The following ERICH6B variants were observed in gnomAD, a reference collection of about 807,000 sequenced individuals.
The protein encoded by ERICH6B is glutamate-rich protein 6B.
ERICH6B carries 69 observed loss-of-function variants against 80.0 expected under a neutral mutation model. That is an observed-to-expected ratio of 0.86 (90% CI 0.71 to 1.05). The LOEUF (loss-of-function observed/expected upper bound fraction) is 1.05, where lower values mean the gene tolerates loss of function less well. ERICH6B is among the 50% of genes least tolerant of loss of function. The pLI, the probability that ERICH6B is intolerant of heterozygous loss-of-function variation, is 0.00. For synonymous variants in ERICH6B, 283 were observed against 291.9 expected, an observed-to-expected ratio of 0.97 and a Z score of 0.31; for missense variants, 754 against 796.1, an observed-to-expected ratio of 0.95 and a Z score of 0.64.
At chr13:45,615,539 G>T (rs1469616322) in intron 1 of ERICH6B, 146 bp downstream of exon 1, 1 of 152,298 alleles carries the variant, frequency 6.6e-6, no homozygotes, top group African/African-American at 2.4e-5. Context: ...TATGTACTTG[G>T]CGCTTCTTTG....
At chr13:45,570,498 A>C (rs1192042014) in intron 8 of ERICH6B, among the ~76,000 whole-genome samples, 1 of 152,188 alleles carries the variant, frequency 6.6e-6, no homozygotes, top group Admixed American at 6.5e-5. Context: ...TTGTCAGAAT[A>C]ACTGAACTAT....
chr13:45,567,886 C>T (rs747059024), intron 9 of ERICH6B, among the ~76,000 whole-genome samples: 4 of 152,220 alleles, frequency 2.6e-5, no homozygotes, highest in East Asian at 1.9e-4. Flanking sequence ...GCTCACCTAG[C>T]GTGAAGCCAG....
At chr13:45,580,083 AAGCCTCAG>A in intron 6 of ERICH6B, 109 bp from the exon 7 acceptor site, 1 of 972,330 alleles carries the variant, frequency 1.0e-6, no homozygotes, top group Non-Finnish European at 1.6e-6. Flanking sequence ...GATATCTGGG[AAGCCTCAG>A]GGTGGAGTGC....
chr13:45,557,548 A>G (rs1310634234), intron 11 of ERICH6B, among the ~76,000 whole-genome samples: 1 of 152,120 alleles, frequency 6.6e-6, no homozygotes, highest in Admixed American at 6.6e-5. Flanking sequence ...GTCTTTTAGA[A>G]TTTTTATAGT....
chr13:45,541,328 A>G lies in ERICH6B; in HGVS notation c.*134T>C. The G allele has an allele frequency of 1.3e-6, 1 of 743,318 alleles. No homozygotes were observed. The highest frequency in any genetic ancestry group is 2.9e-5 in the Admixed American group (1 of 34,778). The allele number at this position is 743,318 out of a possible 1,614,324, so 46.0% of individuals were successfully genotyped here. A position where few individuals can be genotyped will look rare whatever the true frequency, so the allele number is the denominator to read the frequency against. On this transcript the variant is annotated 3_prime_UTR_variant, in exon 15 of 15. Transcript: ENST00000298738. Reference sequence around the variant, plus strand: ...CTGCCAAAAATGTTTACTTCAAATCAAGGAGCCACGACAGGTCCCAAATTA... The same window carrying G: ...CTGCCAAAAATGTTTACTTCAAATCGAGGAGCCACGACAGGTCCCAAATTA...
In ERICH6B at chr13:45,543,561, A is replaced by G. The variant is rs371202042; in HGVS notation, c.1872+1199T>C. 4.7e-3 allele frequency among the ~76,000 whole-genome samples: 713 copies of G among 152,318 alleles called. 4 individuals are homozygous for G. The highest frequency in any genetic ancestry group is 0.016 in the African/African-American group (659 of 41,570). On this transcript the variant is annotated intron_variant, in intron 14 of 14. Transcript: ENST00000298738. ...TGGAGGCAGACACTGGAGTGATGCCACCACAAGCCAAGAATGCCAGAAGCC... is the reference window on the plus strand; with the variant it reads ...TGGAGGCAGACACTGGAGTGATGCCGCCACAAGCCAAGAATGCCAGAAGCC...
intron 5 of ERICH6B, 117 bp downstream of exon 5, chr13:45,586,946 A>G: frequency 9.1e-7 from 1 of 1,101,254 alleles, no homozygotes. Flanking sequence ...AAACAGTAGG[A>G]TATCATTAGC....
At chr13:45,574,198 C>T (rs71431383) in intron 8 of ERICH6B, among the ~76,000 whole-genome samples, 2,591 of 152,266 alleles carry the variant, frequency 0.017, 31 homozygotes, top group Non-Finnish European at 0.025. Context: ...GAGAAGTCTT[C>T]TTAGCAATCG....
intron 2 of ERICH6B, among the ~76,000 whole-genome samples, chr13:45,602,365 G>T (rs998024407): frequency 6.6e-6 from 1 of 152,206 alleles, no homozygotes; most frequent in African/African-American, 2.4e-5. Flanking sequence ...CTTTCAGGAA[G>T]TTGTTATCTA....
chr13:45,592,392 C>T (rs1006122082), intron 3 of ERICH6B, among the ~76,000 whole-genome samples: 4 of 152,202 alleles, frequency 2.6e-5, no homozygotes, highest in Non-Finnish European at 5.9e-5. Flanking sequence ...GCTTTCTCAT[C>T]TCTGCCTTGT....
At chr13:45,581,023 T>C (rs1875635669) in intron 5 of ERICH6B, among the ~76,000 whole-genome samples, 1 of 152,118 alleles carries the variant, frequency 6.6e-6, no homozygotes, top group Non-Finnish European at 1.5e-5. Context: ...GTAGGAACCA[T>C]AGAACCAAGT....
intron 9 of ERICH6B, 51 bp from the exon 10 acceptor site, chr13:45,563,839 C>T: frequency 1.4e-6 from 2 of 1,419,340 alleles, no homozygotes; most frequent in Non-Finnish European, 9.7e-7. Flanking sequence ...TTCACGCATA[C>T]ATGCCATCAC....
At chr13:45,549,429 G>A (rs1286213654) in intron 13 of ERICH6B, among the ~76,000 whole-genome samples, 1 of 152,110 alleles carries the variant, frequency 6.6e-6, no homozygotes, top group African/African-American at 2.4e-5. Flanking sequence ...TTGGTAAGAT[G>A]GTTTTCCACC....
rs200958211 is a variant in ERICH6B at position 45,558,173 on chromosome 13, GTATTT to G, written c.1407+3191_1407+3195del. On this transcript the variant is annotated intron_variant, in intron 11 of 14. Transcript: ENST00000298738. Reference sequence around the variant, plus strand: ...CCTCCTTGGTCAGATATATTCCTATGTATTTTATTTTATTTTTTGCAGCTATTGTA... The same window carrying G: ...CCTCCTTGGTCAGATATATTCCTATGTATTTTATTTTTTGCAGCTATTGTA... Among the ~76,000 whole-genome samples, 105 of 152,172 alleles carry G rather than the reference GTATTT, an allele frequency of 6.9e-4. 2 individuals carry two copies. The East Asian group carries it at 0.02, about 29-fold the overall frequency.
chr13:45,592,097 C>T (rs767564765), intron 3 of ERICH6B, among the ~76,000 whole-genome samples: 12 of 152,188 alleles, frequency 7.9e-5, no homozygotes, highest in Admixed American at 7.9e-4. Context: ...TAGTCACATG[C>T]CCTCTTTCTA....
chr13:45,563,832 A>C (rs1024412790), intron 9 of ERICH6B, 44 bp from the exon 10 acceptor site: 9 of 1,473,666 alleles, frequency 6.1e-6, no homozygotes, highest in Non-Finnish European at 8.4e-6. Flanking sequence ...GACTAAGTTC[A>C]CGCATACATG....
intron 13 of ERICH6B, among the ~76,000 whole-genome samples, chr13:45,547,019 A>G (rs1342752202): frequency 6.6e-6 from 1 of 152,188 alleles, no homozygotes; most frequent in African/African-American, 2.4e-5. Context: ...AAAAATAACA[A>G]ATGAACAAAC....
At chr13:45,578,298 C>T (rs1875508053) in intron 7 of ERICH6B, among the ~76,000 whole-genome samples, 2 of 152,206 alleles carry the variant, frequency 1.3e-5, no homozygotes, top group African/African-American at 4.8e-5. Context: ...CTGACCTCTA[C>T]CCTGCTCCTT....
chr13:45,612,461 A>C (rs1949905068), intron 1 of ERICH6B, among the ~76,000 whole-genome samples: 1 of 152,254 alleles, frequency 6.6e-6, no homozygotes, highest in Admixed American at 6.5e-5. Flanking sequence ...AAAAGAAATC[A>C]TCTGTAAGGG....
Sources: allele counts gnomAD v4.1 joint callset (sites outside exome capture counted in the v4.1 genomes callset), GRCh38; gene constraint gnomAD v4.1.1; transcripts MANE v1.5; gene names NCBI Gene and HGNC (gene_info 2026-07-23, HGNC 2026-07-21).